Variants in RIPOR3 observed in about 807,000 individuals in gnomAD.
The protein encoded by RIPOR3 is RIPOR family member 3.
In RIPOR3, 95 loss-of-function variants were observed where a neutral mutation model predicts 114.3. The observed-to-expected ratio is 0.83, with a 90% CI of 0.70 to 0.99. The LOEUF (loss-of-function observed/expected upper bound fraction) is 0.99, where lower values mean the gene tolerates loss of function less well. Among genes scored for constraint, RIPOR3 ranks in the 50% least tolerant of loss-of-function variants. The pLI is 0.00. For synonymous variants in RIPOR3, 575 were observed against 543.8 expected, an observed-to-expected ratio of 1.06 and a Z score of -0.80; for missense variants, 1,252 against 1,266.9, an observed-to-expected ratio of 0.99 and a Z score of 0.18.
At chr20:50,621,120 CAA>C (rs75113562) in intron 2 of RIPOR3, 102,070 of 172,472 alleles carry the variant, frequency 0.59, 22,214 homozygotes, top group Admixed American at 0.67. Flanking sequence ...AACAGCTTGA[CAA>C]AAAAAAAAAA....
At chr20:50,598,011 G>C (rs966670053) in intron 13 of RIPOR3, among the ~76,000 whole-genome samples, 1 of 152,258 alleles carries the variant, frequency 6.6e-6, no homozygotes, top group Non-Finnish European at 1.5e-5. Context: ...GCAGGAGTGA[G>C]TGAGCTGCCC....
intron 1 of RIPOR3, among the ~76,000 whole-genome samples, chr20:50,672,615 C>T (rs2086554831): frequency 6.6e-6 from 1 of 152,188 alleles, no homozygotes; most frequent in Non-Finnish European, 1.5e-5. Context: ...GACCATGGCT[C>T]CGTCAGTGGC....
chr20:50,675,904 G>A (rs930002995), intron 1 of RIPOR3, among the ~76,000 whole-genome samples: 11 of 152,186 alleles, frequency 7.2e-5, no homozygotes, highest in Non-Finnish European at 1.3e-4. Context: ...GGCCAGCATC[G>A]ATGGTGCAGG....
intron 2 of RIPOR3, among the ~76,000 whole-genome samples, chr20:50,621,615 C>T (rs921766641): frequency 2.0e-5 from 3 of 152,150 alleles, no homozygotes; most frequent in South Asian, 2.1e-4. Context: ...GCATTGCTAA[C>T]CTGGGGAACA....
intron 1 of RIPOR3, among the ~76,000 whole-genome samples, chr20:50,644,370 A>G (rs944132897): frequency 6.6e-6 from 1 of 152,234 alleles, no homozygotes; most frequent in East Asian, 1.9e-4. Flanking sequence ...TGTGCACAGA[A>G]ACAAATTACC....
rs139730686 is a variant in RIPOR3, at chr20:50,625,304, T to C, written c.123-5172A>G. ...CCAGGCTGGTCTTGAATTCCTGAGC[T>C]CAAGTGATCCGCCTGCCTTGGCCTC... On this transcript the variant is annotated intron_variant, in intron 2 of 21. Transcript: ENST00000327979. 1.1e-4 allele frequency among the ~76,000 whole-genome samples: 16 copies of C among 152,282 alleles called. No homozygotes were observed. The East Asian group carries it at 3.1e-3, about 29-fold the overall frequency.
intron 17 of RIPOR3, among the ~76,000 whole-genome samples, chr20:50,593,910 C>T (rs760980297): frequency 4.6e-5 from 7 of 152,002 alleles, no homozygotes; most frequent in Non-Finnish European, 1.0e-4. Context: ...CTGCCTGCCT[C>T]CCTTCCCATA....
chr20:50,607,919 C>T (rs553984515), intron 11 of RIPOR3, among the ~76,000 whole-genome samples: 72 of 152,314 alleles, frequency 4.7e-4, no homozygotes, highest in African/African-American at 1.5e-3. Context: ...GAGCCCTCCA[C>T]GCTCATGGGC....
At chr20:50,668,931 A>ACATGACATGCATTCACATGCACACATGCC (rs2086356833) in intron 1 of RIPOR3, among the ~76,000 whole-genome samples, 1 of 151,992 alleles carries the variant, frequency 6.6e-6, no homozygotes, top group Non-Finnish European at 1.5e-5. Flanking sequence ...TCATGCATGC[A>ACATGACATGCATTCACATGCACACATGCC]CATGACATGC....
intron 17 of RIPOR3, among the ~76,000 whole-genome samples, chr20:50,593,898 C>T (rs1601446247): frequency 6.6e-6 from 1 of 151,988 alleles, no homozygotes; most frequent in African/African-American, 2.4e-5. Flanking sequence ...CCTCGTGGGC[C>T]CCTGCCTGCC....
rs1014681720 is a variant in RIPOR3, at chr20:50,604,534, G to A, written c.1086+111C>T. On this transcript the variant is annotated intron_variant, in intron 12 of 21. Coordinates refer to ENST00000327979, the MANE Select transcript of RIPOR3 (RefSeq NM_001290268.2). ...CCCAGGATCGCCTCAAACGGAAGCT[G>A]AGCCCGAGGCTTGCCATGTCTGGGA... is the stretch of plus-strand genomic sequence containing the variant. The A allele has an allele frequency of 7.0e-5, 100 of 1,429,114 alleles. 1 individual carries two copies. The highest frequency in any genetic ancestry group is 8.7e-5 in the Non-Finnish European group (94 of 1,077,078). The allele number at this position is 1,429,114 out of a possible 1,614,324, so 88.5% of individuals were successfully genotyped here.
At chr20:50,656,031 G>A (rs768750739) in intron 1 of RIPOR3, among the ~76,000 whole-genome samples, 6 of 149,866 alleles carry the variant, frequency 4.0e-5, no homozygotes, top group South Asian at 4.2e-4. Flanking sequence ...TTTTTGAGAC[G>A]GAGTCTCACT....
intron 4 of RIPOR3, among the ~76,000 whole-genome samples, chr20:50,614,294 C>T (rs1157649039): frequency 6.6e-6 from 1 of 152,158 alleles, no homozygotes; most frequent in African/African-American, 2.4e-5. Flanking sequence ...CCTTGGCCTC[C>T]CAAAGTGCTG....
chr20:50,602,435 C>T lies in RIPOR3; in HGVS notation c.1296G>A (p.Leu432=), dbSNP rs2083534542. ...AGGCGTGGGGACCGAAGGTCAAGGGCAGGAAGCCCACATCTGAGGTGGACG... is the reference window on the plus strand; with the variant it reads ...AGGCGTGGGGACCGAAGGTCAAGGGTAGGAAGCCCACATCTGAGGTGGACG... The part of the protein sequence containing the change: ...TSASTSDVGF[L]PLTFGPHASI... Residue 432 remains leucine (L), a synonymous_variant, in exon 13 of 22, where the codon CTG becomes CTA. Coordinates refer to ENST00000327979, the MANE Select transcript of RIPOR3 (RefSeq NM_001290268.2). This position sits in a 1 kb window ranked among gnomAD's most constrained non-coding sequence, Gnocchi z 4.3. 6.3e-7 allele frequency: 1 copy of T among 1,593,352 alleles called. No individual in the cohort carries two copies. The highest frequency in any genetic ancestry group is 1.7e-5 in the Admixed American group (1 of 58,108).
chr20:50,613,756 C>G (rs79355469), intron 4 of RIPOR3, among the ~76,000 whole-genome samples: 2 of 152,178 alleles, frequency 1.3e-5, no homozygotes, highest in Non-Finnish European at 2.9e-5. Flanking sequence ...ACGAAGTCCA[C>G]GGGGTGAGAC....
chr20:50,645,323 A>C (rs1333559029), intron 1 of RIPOR3: 1 of 152,232 alleles, frequency 6.6e-6, no homozygotes, highest in South Asian at 2.1e-4. Flanking sequence ...AATCACAGCC[A>C]GCTCATGTCA....
chr20:50,620,155 AG>A, intron 2 of RIPOR3, 23 bp from the exon 3 acceptor site: 3 of 1,609,194 alleles, frequency 1.9e-6, no homozygotes, highest in Non-Finnish European at 2.5e-6. Flanking sequence ...TTGGAGGGCA[AG>A]AGAAGTCAGA....
chr20:50,594,163 C>CTACTCGGGA (rs1430869378), intron 17 of RIPOR3, among the ~76,000 whole-genome samples: 2 of 151,812 alleles, frequency 1.3e-5, no homozygotes, highest in African/African-American at 4.8e-5. Context: ...GTAATCCCAG[C>CTACTCGGGA]TACTCGGGAG....
intron 1 of RIPOR3, among the ~76,000 whole-genome samples, chr20:50,676,380 G>C (rs183234085): frequency 6.6e-6 from 1 of 152,152 alleles, no homozygotes; most frequent in Non-Finnish European, 1.5e-5. Context: ...GGCTGGGTGT[G>C]GGGGCTCATG....
Sources: gnomAD v4.1 joint callset for allele counts (sites outside exome capture counted in the v4.1 genomes callset) on GRCh38, gnomAD v4.1.1 for gene constraint, Gnocchi (gnomAD v3.1) non-coding constraint, MANE v1.5 for transcripts, NCBI Gene and HGNC (gene_info 2026-07-23, HGNC 2026-07-21) for gene names.